Variants in RRN3 observed in about 807,000 individuals in gnomAD.
RRN3 encodes RNA polymerase I-specific transcription initiation factor RRN3.
In RRN3, 38 loss-of-function variants were observed where a neutral mutation model predicts 82.3. That is an observed-to-expected ratio of 0.46 (90% CI 0.36 to 0.61). RRN3 has a LOEUF of 0.61. Among genes scored for constraint, RRN3 ranks in the 20% least tolerant of loss-of-function variants. The probability of loss-of-function intolerance (pLI) is 0.00; values close to 1 mark genes in which losing one functional copy is unlikely to be tolerated. For missense variants in RRN3, 726 were observed against 793.1 expected, an observed-to-expected ratio of 0.92 and a Z score of 1.02; for synonymous variants, 284 against 284.3, an observed-to-expected ratio of 1.00 and a Z score of 0.01.
At chr16:15,079,909 T>C (rs1339392143) in intron 9 of RRN3, 89 bp downstream of exon 9, 1 of 1,361,822 alleles carries the variant, frequency 7.3e-7, no homozygotes, top group East Asian at 2.6e-5. Flanking sequence ...GTGGATTCTT[T>C]TCTATCACTG....
intron 15 of RRN3, among the ~76,000 whole-genome samples, chr16:15,065,637 T>C (rs992890598): frequency 3.3e-5 from 5 of 152,346 alleles, no homozygotes; most frequent in South Asian, 4.1e-4. Flanking sequence ...GAGTAATAGA[T>C]ATTATTCATT....
chr16:15,089,811 A>AC lies in RRN3; in HGVS notation c.252+1503dup, dbSNP rs1491479793. Reference sequence around the variant, plus strand: ...CAAAAAAAAAAAAAAAAAAAAAAAAACAGATTAAAGGATCAGGAGACAGGA... The same window carrying AC: ...CAAAAAAAAAAAAAAAAAAAAAAAAACCAGATTAAAGGATCAGGAGACAGGA... On this transcript the variant is annotated intron_variant, in intron 3 of 17. Transcript: ENST00000198767. Among the ~76,000 whole-genome samples, 705 of 132,864 alleles carry AC rather than the reference A, an allele frequency of 5.3e-3. 5 individuals carry two copies. The highest frequency in any genetic ancestry group is 8.4e-3 in the Non-Finnish European group (509 of 60,360). 87.2% of individuals were successfully genotyped at this position (132,864 alleles called of 152,430 possible).
chr16:15,093,987 G>A, intron 1 of RRN3, 158 bp downstream of exon 1: 1 of 691,798 alleles, frequency 1.4e-6, no homozygotes, highest in African/African-American at 1.8e-5. Flanking sequence ...TACCCAGTTA[G>A]GAGGAATGAG....
chr16:15,063,167 A>C, intron 17 of RRN3, 29 bp downstream of exon 17: 1 of 1,440,640 alleles, frequency 6.9e-7, no homozygotes, highest in Non-Finnish European at 9.8e-7. Flanking sequence ...GGAGATTCCG[A>C]GAGTGTGCTC....
Position 15,091,386 on chromosome 16 carries a change from G to A in RRN3, c.196-15C>T, listed in dbSNP as rs751422470. ...TTTGTTTCACCCTTAACAAGAAGGG[G>A]AAAGAATTAAGTTATGCTTTTGTTT... is the stretch of plus-strand genomic sequence containing the variant. On this transcript the variant is annotated splice_polypyrimidine_tract_variant and intron_variant, in intron 2 of 17. Transcript: ENST00000198767. 17 of 1,564,506 alleles carry A rather than the reference G, an allele frequency of 1.1e-5. No individual in the cohort carries two copies. Among genetic ancestry groups the A allele is most frequent in the Admixed American group, 6.9e-5 (4 of 57,932 alleles).
chr16:15,062,234 T>C (rs947264436), intron 17 of RRN3, among the ~76,000 whole-genome samples: 1 of 152,188 alleles, frequency 6.6e-6, no homozygotes, highest in Admixed American at 6.5e-5. Context: ...TCACACATTG[T>C]AATCATTTGT....
At chr16:15,084,211 AT>A (rs1282125453) in intron 7 of RRN3, among the ~76,000 whole-genome samples, 5 of 152,076 alleles carry the variant, frequency 3.3e-5, no homozygotes, top group East Asian at 1.9e-4. Flanking sequence ...ATCAAGTTGG[AT>A]TTTTTTTAAG....
At chr16:15,082,723 T>G (rs2045758383) in intron 8 of RRN3, among the ~76,000 whole-genome samples, 1 of 152,056 alleles carries the variant, frequency 6.6e-6, no homozygotes, top group African/African-American at 2.4e-5. Flanking sequence ...TCAGTCGCAC[T>G]TGGTCATGGT....
intron 3 of RRN3, among the ~76,000 whole-genome samples, chr16:15,087,991 G>A (rs887482412): frequency 1.3e-5 from 2 of 152,182 alleles, no homozygotes; most frequent in East Asian, 1.9e-4. Flanking sequence ...GTGCATGCCC[G>A]TAATCCCAGC....
intron 8 of RRN3, 36 bp downstream of exon 8, chr16:15,083,477 C>T: frequency 6.2e-7 from 1 of 1,606,178 alleles, no homozygotes; most frequent in Non-Finnish European, 8.5e-7. Context: ...GTACAAACAA[C>T]TTTTCCATGA....
intron 17 of RRN3, among the ~76,000 whole-genome samples, chr16:15,062,769 T>C (rs1212417741): frequency 2.0e-5 from 3 of 152,248 alleles, no homozygotes; most frequent in Non-Finnish European, 4.4e-5. Context: ...GTGTCTGGTT[T>C]AAGCAATTTA....
chr16:15,092,866 T>G (rs2046192386), intron 1 of RRN3, among the ~76,000 whole-genome samples: 2 of 152,328 alleles, frequency 1.3e-5, no homozygotes, highest in Admixed American at 6.5e-5. Context: ...GGCCCCTGCC[T>G]ACCTCTCTCA....
At chr16:15,072,559 TG>T (rs1225195973) in intron 12 of RRN3, among the ~76,000 whole-genome samples, 1 of 152,112 alleles carries the variant, frequency 6.6e-6, no homozygotes, top group East Asian at 1.9e-4. Flanking sequence ...CCCAACGCTT[TG>T]CGGGGCAGGA....
intron 8 of RRN3, 47 bp downstream of exon 8, chr16:15,083,466 C>T (rs375122906): frequency 2.4e-5 from 38 of 1,604,394 alleles, no homozygotes; most frequent in South Asian, 3.4e-5. Context: ...AAAATGAAAT[C>T]GTACAAACAA....
intron 9 of RRN3, among the ~76,000 whole-genome samples, chr16:15,078,376 C>A (rs2045554054): frequency 6.6e-6 from 1 of 152,102 alleles, no homozygotes; most frequent in Admixed American, 6.6e-5. Context: ...CCCCTCCTTC[C>A]ACCACAACCC....
intron 12 of RRN3, 87 bp downstream of exon 12, chr16:15,072,863 A>C: frequency 1.5e-6 from 2 of 1,315,222 alleles, no homozygotes; most frequent in Non-Finnish European, 2.1e-6. Context: ...TATTTACTTC[A>C]TGGTCTCCGT....
intron 16 of RRN3, among the ~76,000 whole-genome samples, chr16:15,063,618 T>C (rs2044814987): frequency 7.1e-6 from 1 of 141,544 alleles, no homozygotes; most frequent in Non-Finnish European, 1.5e-5. Flanking sequence ...TGAGGCAGAA[T>C]GGCCTGAACC....
chr16:15,068,236 T>C lies in RRN3; in HGVS notation c.1486A>G (p.Met496Val). Residue 496 changes from methionine (M) to valine (V), a missense_variant, in exon 15 of 18, where the codon ATG becomes GTG. Met to Val is a conservative substitution (Grantham distance 21). Transcript: ENST00000198767. ...LQSLNFERIV[M>V]SQLNPLKICL... ...ATCTTCAGGGGATTTAGCTGGCTCATCACTATCCGCTCAAAATTCAGACTC... is the reference window on the plus strand; with the variant it reads ...ATCTTCAGGGGATTTAGCTGGCTCACCACTATCCGCTCAAAATTCAGACTC... 1 of 1,586,156 alleles carries C rather than the reference T, an allele frequency of 6.3e-7. No homozygotes were observed. The highest frequency in any genetic ancestry group is 8.6e-7 in the Non-Finnish European group (1 of 1,167,886).
intron 8 of RRN3, among the ~76,000 whole-genome samples, 200 bp from the exon 9 acceptor site, chr16:15,080,296 A>G (rs1002185007): frequency 5.3e-5 from 8 of 152,220 alleles, no homozygotes; most frequent in African/African-American, 1.9e-4. Flanking sequence ...AGTAAATGAA[A>G]TTTTTAATTT....
Sources: allele counts gnomAD v4.1 joint callset (sites outside exome capture counted in the v4.1 genomes callset), GRCh38; gene constraint gnomAD v4.1.1; transcripts MANE v1.5; gene names NCBI Gene and HGNC (gene_info 2026-07-23, HGNC 2026-07-21).